Variants in ZNF273 observed in about 807,000 individuals in gnomAD.
ZNF273 encodes zinc finger protein 273, also known as zinc finger protein 9.
A neutral mutation model predicts 14.9 loss-of-function variants in ZNF273; 11 were observed. The observed-to-expected ratio is 0.74, with a 90% CI of 0.46 to 1.22. ZNF273 has a LOEUF of 1.22. Ranked by LOEUF, ZNF273 falls within the 50% of genes most tolerant of loss-of-function variation. The probability of loss-of-function intolerance (pLI) is 0.00; values close to 1 mark genes in which losing one functional copy is unlikely to be tolerated. For synonymous variants in ZNF273, 199 were observed against 223.9 expected (o/e 0.89, Z 0.99); for missense variants, 577 against 660.6 (o/e 0.87, Z 1.39).
chr7:64,899,662 A>G (rs998415036), upstream of ZNF273, among the ~76,000 whole-genome samples: 2 of 152,204 alleles, frequency 1.3e-5, no homozygotes, highest in South Asian at 2.1e-4. Context: ...TCAAAAAAAA[A>G]AAAGAAAAAA....
chr7:64,882,232 C>T (rs1216729657), downstream of ZNF273, among the ~76,000 whole-genome samples: 1 of 152,260 alleles, frequency 6.6e-6, no homozygotes, highest in East Asian at 1.9e-4. Flanking sequence ...GACCCGATTC[C>T]TGCACACAGC....
intron 1 of ZNF273, among the ~76,000 whole-genome samples, chr7:64,916,542 CAAAAAA>C (rs10712527): frequency 1.2e-5 from 1 of 84,378 alleles, no homozygotes; most frequent in African/African-American, 5.1e-5. Flanking sequence ...AAAACTGTCT[CAAAAAA>C]AAAAAAAAAA....
chr7:64,905,304 G>A (rs932545521), intron 1 of ZNF273, among the ~76,000 whole-genome samples: 22 of 151,672 alleles, frequency 1.5e-4, no homozygotes, highest in African/African-American at 5.3e-4. Flanking sequence ...TTTGTAGAGA[G>A]GAGGTTTCAC....
chr7:64,895,457 C>T (rs1792311520), intron 3 of ZNF273, among the ~76,000 whole-genome samples: 1 of 152,034 alleles, frequency 6.6e-6, no homozygotes, highest in African/African-American at 2.4e-5. Flanking sequence ...GTGTCATGTG[C>T]CAGATTCCGA....
Position 64,912,846 on chromosome 7 carries a change from T to TTG in ZNF273, c.103-4735_103-4734insTG, listed in dbSNP as rs1562959220. On this transcript the variant is annotated intron_variant, in intron 1 of 3. Transcript: ENST00000476120. ...TTTTAGTTTTTTTTTTTTTTTTTTT[T>TTG]GAGATTGAGTTTCGCTCTGTCATCC... 7.1e-5 allele frequency among the ~76,000 whole-genome samples: 7 copies of TTG among 98,272 alleles called. 1 individual carries two copies. Among genetic ancestry groups the TTG allele is most frequent in the Non-Finnish European group, 1.5e-4 (6 of 39,254 alleles). 64.5% of individuals were successfully genotyped at this position (98,272 alleles called of 152,430 possible).
chr7:64,889,147 G>A (rs943590700), downstream of ZNF273: 6 of 985,822 alleles, frequency 6.1e-6, no homozygotes, highest in Non-Finnish European at 7.2e-6. This position sits in a 1 kb window ranked among gnomAD's most constrained non-coding sequence, Gnocchi z 4.2. Flanking sequence ...CGGAGGGGAC[G>A]CCCGGGCTGA....
At chr7:64,889,318 G>A (rs1583961704), downstream of ZNF273, 79 of 962,116 alleles carry the variant, frequency 8.2e-5, no homozygotes, top group Middle Eastern at 5.4e-4. The surrounding 1 kb of genome is among the most constrained non-coding windows in gnomAD (Gnocchi z 4.2). Context: ...TGCCTGAGCC[G>A]TACCCACCGC....
chr7:64,905,420 CTTTTTTT>C (rs34374261), intron 1 of ZNF273, among the ~76,000 whole-genome samples: 49 of 84,226 alleles, frequency 5.8e-4, no homozygotes, highest in African/African-American at 1.9e-3. Context: ...GCTGGCCACA[CTTTTTTT>C]TTTTTTTTTT....
At chr7:64,924,803 A>AT (rs34906700) in intron 3 of ZNF273, among the ~76,000 whole-genome samples, 43,801 of 145,030 alleles carry the variant, frequency 0.3, 7,345 homozygotes, top group Admixed American at 0.37. Flanking sequence ...GATTTTTCAA[A>AT]TTTTTTTTTT....
At chr7:64,881,222 A>AG (rs1478206147), downstream of ZNF273, among the ~76,000 whole-genome samples, 2 of 152,190 alleles carry the variant, frequency 1.3e-5, no homozygotes, top group Admixed American at 6.5e-5. Context: ...CGGGAGCCAC[A>AG]GGGGAGTGGG....
At chr7:64,933,093 T>C (rs1795026087), downstream of ZNF273, among the ~76,000 whole-genome samples, 1 of 152,154 alleles carries the variant, frequency 6.6e-6, no homozygotes, top group South Asian at 2.1e-4. Context: ...TGCCTCAGCC[T>C]CCTGAGTAGC....
At chr7:64,893,037 A>T (rs979979780), downstream of ZNF273, among the ~76,000 whole-genome samples, 94 of 152,120 alleles carry the variant, frequency 6.2e-4, no homozygotes, top group African/African-American at 2.0e-3. Context: ...AGCTGCCGGC[A>T]TTCACCCTTC....
In ZNF273 at chr7:64,927,766, A is replaced by C. The variant is rs371100628; in HGVS notation, c.438A>C (p.Leu146Phe). Residue 146 changes from leucine (L) to phenylalanine (F), a missense_variant, in exon 4 of 4, where the codon TTA (leucine) becomes TTC (phenylalanine). Transcript: ENST00000476120. ...AATATGGACATGAGAATTTACAATT[A>C]AGAAAAGGCTGTAAAAGTGCGGATG... ...YGKYGHENLQ[L>F]RKGCKSADEH... 6.2e-7 allele frequency: 1 copy of C among 1,613,678 alleles called. No individual in the cohort carries two copies. Among genetic ancestry groups the C allele is most frequent in the African/African-American group, 1.3e-5 (1 of 75,028 alleles).
chr7:64,889,181 G>T, downstream of ZNF273: 1 of 985,862 alleles, frequency 1.0e-6, no homozygotes, highest in Non-Finnish European at 1.2e-6. This position sits in a 1 kb window ranked among gnomAD's most constrained non-coding sequence, Gnocchi z 4.2. Context: ...GCTGGCGGCG[G>T]CAGCCCCTGC....
At chr7:64,902,220 T>A (rs1792764751), upstream of ZNF273, among the ~76,000 whole-genome samples, 1 of 151,712 alleles carries the variant, frequency 6.6e-6, no homozygotes, top group Non-Finnish European at 1.5e-5. Flanking sequence ...TTTTTTTAAG[T>A]TTGGCTACTA....
chr7:64,910,018 C>G (rs1484126603), intron 1 of ZNF273, among the ~76,000 whole-genome samples: 2 of 151,540 alleles, frequency 1.3e-5, no homozygotes, highest in Non-Finnish European at 2.9e-5. Context: ...TGCTTTTTTC[C>G]TAGTTTTTTT....
At chr7:64,905,605 TACCAAAAAA>T (rs1793055466) in intron 1 of ZNF273, among the ~76,000 whole-genome samples, 1 of 151,900 alleles carries the variant, frequency 6.6e-6, no homozygotes, top group Non-Finnish European at 1.5e-5. Context: ...AAAAATAGTG[TACCAAAAAA>T]ACTAAAAAAA....
chr7:64,934,721 T>C (rs1366661001), downstream of ZNF273, among the ~76,000 whole-genome samples: 1 of 152,178 alleles, frequency 6.6e-6, no homozygotes, highest in Non-Finnish European at 1.5e-5. Flanking sequence ...CTTGGTAGTA[T>C]ATTTCAAAGT....
exon 2 of ZNF273, chr7:64,888,724 A>T (rs1791764405): frequency 1.0e-6 from 1 of 985,718 alleles, no homozygotes; most frequent in African/African-American, 1.7e-5. Context: ...GCGGGATGGG[A>T]GAGTCCCGTT....
Sources: gnomAD v4.1 joint callset for allele counts (sites outside exome capture counted in the v4.1 genomes callset) on GRCh38, gnomAD v4.1.1 for gene constraint, Gnocchi (gnomAD v3.1) non-coding constraint, MANE v1.5 for transcripts, NCBI Gene and HGNC (gene_info 2026-07-23, HGNC 2026-07-21) for gene names.